Variants in RABEP2 observed in about 807,000 individuals in gnomAD.
RABEP2 encodes rab GTPase-binding effector protein 2.
Under a neutral mutation model 74.1 loss-of-function variants are expected in RABEP2, and 57 were observed. The ratio of observed to expected loss-of-function variants is 0.77; its 90% CI spans 0.62 to 0.96. The LOEUF (loss-of-function observed/expected upper bound fraction) is 0.96. RABEP2 is among the 40% of genes least tolerant of loss of function. The pLI, the probability that RABEP2 is intolerant of heterozygous loss-of-function variation, is 0.00. For missense variants in RABEP2, 692 were observed against 756.3 expected (o/e 0.91, Z 1.00); for synonymous variants, 351 against 344.0 (o/e 1.02, Z -0.23).
chr16:28,906,203 G>A lies in RABEP2; in HGVS notation c.1246-7C>T. 1 of 1,573,346 alleles carries A rather than the reference G, an allele frequency of 6.4e-7. No individual in the cohort carries two copies. The highest frequency in any genetic ancestry group is 1.1e-5 in the South Asian group (1 of 87,226). ...ACAGCAGCTGCTGCAGCTCCTGGAAGGGACGGAGGAGTCACCTGCTGGGCT... is the reference window on the plus strand; with the variant it reads ...ACAGCAGCTGCTGCAGCTCCTGGAAAGGACGGAGGAGTCACCTGCTGGGCT... On this transcript the variant is annotated splice_region_variant and splice_polypyrimidine_tract_variant and intron_variant, in intron 8 of 12. Coordinates refer to ENST00000358201, the MANE Select transcript of RABEP2 (RefSeq NM_024816.3).
chr16:28,905,478 G>T lies in RABEP2; in HGVS notation c.1527C>A (p.Ala509=), dbSNP rs547566607. 3 of 1,610,450 alleles carry T rather than the reference G, an allele frequency of 1.9e-6. No homozygotes were observed. Among genetic ancestry groups the T allele is most frequent in the Non-Finnish European group, 2.5e-6 (3 of 1,179,130 alleles). Residue 509 remains alanine, a synonymous_variant, in exon 12 of 13, where the codon GCC becomes GCA. Transcript: ENST00000358201. Reference sequence around the variant, plus strand: ...GCTCTGCCTGCAGCCGCAGCACCTTGGCCCTCTGTTCTGAGAGGAGGTCTG... The same window carrying T: ...GCTCTGCCTGCAGCCGCAGCACCTTTGCCCTCTGTTCTGAGAGGAGGTCTG... ...QLPDLLSEQR[A]KVLRLQAELE...
In RABEP2 at chr16:28,904,776, C is replaced by G; in HGVS notation, c.*167G>C. 1.5e-6 allele frequency: 1 copy of G among 671,038 alleles called. No homozygotes were observed. Among genetic ancestry groups the G allele is most frequent in the Non-Finnish European group, 2.5e-6 (1 of 402,578 alleles). The allele number at this position is 671,038 out of a possible 1,614,324, so 41.6% of individuals were successfully genotyped here. On this transcript the variant is annotated 3_prime_UTR_variant, in exon 13 of 13. Coordinates refer to ENST00000358201, the MANE Select transcript of RABEP2 (RefSeq NM_024816.3). ...CCTGAGAACAGGAGGCCCAGCCACC[C>G]TGGGAGGAGGCGCTGGAGGGCGGGG... is the stretch of plus-strand genomic sequence containing the variant.
chr16:28,909,899 G>C (rs1392870520), intron 7 of RABEP2, among the ~76,000 whole-genome samples: 6 of 151,644 alleles, frequency 4.0e-5, no homozygotes, highest in Non-Finnish European at 8.8e-5. Flanking sequence ...CGTGGTGGCA[G>C]GCACCTGTAG....
At position 28,907,014 on chromosome 16, in the gene RABEP2, G is replaced by A. The variant is rs185735338; in HGVS notation, c.1246-818C>T. On this transcript the variant is annotated intron_variant, in intron 8 of 12. Coordinates refer to ENST00000358201, the MANE Select transcript of RABEP2 (RefSeq NM_024816.3). ...TTTGTAAAGCTCAAGAACAATGAAA[G>A]TTAAGCATCGCACTGTACATGTAAT... is the stretch of plus-strand genomic sequence containing the variant. Among the ~76,000 whole-genome samples, 190 of 152,120 alleles carry A rather than the reference G, an allele frequency of 1.2e-3. 2 individuals carry two copies. The South Asian group carries it at 0.015, about 12-fold the overall frequency.
In RABEP2 at chr16:28,920,043, GACAA is replaced by G; in HGVS notation, c.275-104_275-101del. 2.3e-6 allele frequency: 3 copies of G among 1,316,098 alleles called. No homozygotes were observed. In the South Asian group the frequency reaches 4.8e-5, roughly 21 times the overall value. 81.5% of individuals were successfully genotyped at this position (1,316,098 alleles called of 1,614,324 possible). ...CTTGATGCACTGACTCTTTCTGTGA[GACAA>G]TCTACCATAGCAGTTGCCATGGCAG... On this transcript the variant is annotated intron_variant, in intron 2 of 12. Transcript: ENST00000358201.
chr16:28,912,756 TG>T (rs1443615836), intron 5 of RABEP2, among the ~76,000 whole-genome samples: 1 of 152,048 alleles, frequency 6.6e-6, no homozygotes, highest in African/African-American at 2.4e-5. Context: ...GCTTCTCCGT[TG>T]CTTAACCCTG....
At chr16:28,908,849 C>T (rs564811170) in intron 7 of RABEP2, 85 bp from the exon 8 acceptor site, 3 of 1,379,370 alleles carry the variant, frequency 2.2e-6, no homozygotes, top group Non-Finnish European at 3.0e-6. Flanking sequence ...GAACCCTCCT[C>T]CCAGACTGAC....
intron 3 of RABEP2, chr16:28,917,998 T>C (rs1964416857): frequency 1.3e-5 from 2 of 151,242 alleles, no homozygotes; most frequent in African/African-American, 4.9e-5. Context: ...TCAAATGAAG[T>C]AACAATAAAA....
intron 5 of RABEP2, among the ~76,000 whole-genome samples, chr16:28,913,806 G>C (rs565614437): frequency 4.6e-4 from 62 of 136,138 alleles, no homozygotes; most frequent in African/African-American, 1.6e-3. Context: ...TTTTGAGACA[G>C]GTTCTCACTC....
At chr16:28,918,058 A>ATT (rs1266641736) in intron 3 of RABEP2, 3 of 116,842 alleles carry the variant, frequency 2.6e-5, no homozygotes, top group Non-Finnish European at 3.6e-5. Flanking sequence ...GCTTCCTATA[A>ATT]TTGTTTTTTT....
intron 2 of RABEP2, among the ~76,000 whole-genome samples, chr16:28,920,394 T>C (rs919412188): frequency 6.7e-6 from 1 of 148,978 alleles, no homozygotes; most frequent in Non-Finnish European, 1.5e-5. Context: ...ATTATTATTA[T>C]TATTATTTTG....
At chr16:28,921,647 ATTTT>A (rs56325875) in intron 2 of RABEP2, among the ~76,000 whole-genome samples, 218 of 113,370 alleles carry the variant, frequency 1.9e-3, no homozygotes, top group Middle Eastern at 8.8e-3. Context: ...TAGAACATAG[ATTTT>A]TTTTTTTTTT....
At chr16:28,921,782 T>C (rs890457397) in intron 2 of RABEP2, among the ~76,000 whole-genome samples, 4 of 149,298 alleles carry the variant, frequency 2.7e-5, no homozygotes, top group African/African-American at 9.9e-5. Context: ...CTGGCCAACA[T>C]AGTGAAACCT....
At chr16:28,907,795 C>T (rs1050233566) in intron 8 of RABEP2, among the ~76,000 whole-genome samples, 3 of 151,950 alleles carry the variant, frequency 2.0e-5, no homozygotes, top group African/African-American at 7.2e-5. Flanking sequence ...AGCCACCACA[C>T]CCAACTAATG....
Position 28,904,830 on chromosome 16 carries a change from C to T in RABEP2, c.*113G>A. 1.2e-6 allele frequency: 1 copy of T among 845,552 alleles called. No individual in the cohort carries two copies. The highest frequency in any genetic ancestry group is 1.8e-6 in the Non-Finnish European group (1 of 547,354). 52.4% of individuals were successfully genotyped at this position (845,552 alleles called of 1,614,324 possible). On this transcript the variant is annotated 3_prime_UTR_variant, in exon 13 of 13. Transcript: ENST00000358201. ...TGGTGGCCCCCGTCAGTCCCCTCAACCCCAGTCTCAGGGACGGTGGAAAAG... is the reference window on the plus strand; with the variant it reads ...TGGTGGCCCCCGTCAGTCCCCTCAATCCCAGTCTCAGGGACGGTGGAAAAG...
chr16:28,905,124 G>C, intron 12 of RABEP2, 80 bp from the exon 13 acceptor site: 5 of 1,269,688 alleles, frequency 3.9e-6, no homozygotes, highest in Non-Finnish European at 5.5e-6. Flanking sequence ...CCCAAGGGCG[G>C]GGCCTGGTAC....
At position 28,919,627 on chromosome 16, in the gene RABEP2, G is replaced by A. The variant is rs1006351967; in HGVS notation, c.432+159C>T. 6.4e-6 allele frequency: 5 copies of A among 778,184 alleles called. No homozygotes were observed. The East Asian group carries it at 1.1e-4, about 17-fold the overall frequency. The allele number at this position is 778,184 out of a possible 1,614,324, so 48.2% of individuals were successfully genotyped here. ...AATAAGGGGCAAGCCAGGACCCTAC[G>A]GAGCACAGAGCCAAGCTCTCAACAA... On this transcript the variant is annotated intron_variant, in intron 3 of 12. Transcript: ENST00000358201.
intron 5 of RABEP2, among the ~76,000 whole-genome samples, chr16:28,912,962 CTT>C (rs957293702): frequency 6.6e-6 from 1 of 150,848 alleles, no homozygotes; most frequent in African/African-American, 2.4e-5. Flanking sequence ...TTTTTTTTCT[CTT>C]TTTTTTTGAG....
intron 5 of RABEP2, among the ~76,000 whole-genome samples, chr16:28,911,864 G>A (rs1195686656): frequency 2.6e-5 from 4 of 152,012 alleles, no homozygotes; most frequent in East Asian, 1.9e-4. Flanking sequence ...CAGGAGAATC[G>A]CTTGAACCTG....
Sources: allele counts gnomAD v4.1 joint callset (sites outside exome capture counted in the v4.1 genomes callset), GRCh38; gene constraint gnomAD v4.1.1; transcripts MANE v1.5; gene names NCBI Gene and HGNC (gene_info 2026-07-23, HGNC 2026-07-21).